Variants in TAMM41 observed in about 807,000 individuals in gnomAD.
TAMM41 encodes TAM41 mitochondrial translocator assembly and maintenance homolog.
Under a neutral mutation model 44.1 loss-of-function variants are expected in TAMM41, and 36 were observed. That is an observed-to-expected ratio of 0.82 (90% CI 0.63 to 1.08). The LOEUF (loss-of-function observed/expected upper bound fraction) is 1.08, where lower values mean the gene tolerates loss of function less well. Among genes scored for constraint, TAMM41 ranks in the 50% least tolerant of loss-of-function variants. The pLI, the probability that TAMM41 is intolerant of heterozygous loss-of-function variation, is 0.00. For missense variants in TAMM41, 417 were observed against 404.3 expected (o/e 1.03, Z -0.27); for synonymous variants, 164 against 153.1 (o/e 1.07, Z -0.53).
chr3:11,735,540 C>T, the TAMM41 span, among the ~76,000 whole-genome samples: 506 of 151,012 alleles, frequency 3.4e-3, 2 homozygotes, highest in African/African-American at 0.012. Context: ...GGTGCTGAGG[C>T]GGGAGGATCA....
At chr3:11,756,099 A>C in the TAMM41 span, among the ~76,000 whole-genome samples, 1 of 152,210 alleles carries the variant, frequency 6.6e-6, no homozygotes, top group African/African-American at 2.4e-5. Flanking sequence ...AGTTTATTCC[A>C]GGACTATTTG....
chr3:11,810,372 T>TA (rs1273964590), intron 5 of TAMM41, among the ~76,000 whole-genome samples: 1 of 152,180 alleles, frequency 6.6e-6, no homozygotes, highest in Non-Finnish European at 1.5e-5. Context: ...AATATATAAA[T>TA]AAAACATGTA....
At chr3:11,731,643 A>G in the TAMM41 span, among the ~76,000 whole-genome samples, 2 of 152,174 alleles carry the variant, frequency 1.3e-5, no homozygotes, top group African/African-American at 4.8e-5. Context: ...GGAAAAGGAG[A>G]GCAAGGATGT....
In TAMM41 at chr3:11,833,238, T is replaced by C. The variant is rs2079054350; in HGVS notation, c.412-3374A>G. Reference sequence around the variant, plus strand: ...CCGACCTGAACTGCATAGATAACATTAGCACGACTGCCAGGGAGGAAAATC... The same window carrying C: ...CCGACCTGAACTGCATAGATAACATCAGCACGACTGCCAGGGAGGAAAATC... On this transcript the variant is annotated intron_variant, in intron 3 of 7. Coordinates refer to ENST00000455809, the MANE Select transcript of TAMM41 (RefSeq NM_001284401.2). 6 of 1,054,192 alleles carry C rather than the reference T, an allele frequency of 5.7e-6. No homozygotes were observed. In the South Asian group the frequency reaches 9.9e-5, roughly 17 times the overall value. 65.3% of individuals were successfully genotyped at this position (1,054,192 alleles called of 1,614,324 possible). A position where few individuals can be genotyped will look rare whatever the true frequency, so the allele number is the denominator to read the frequency against.
the TAMM41 span, among the ~76,000 whole-genome samples, chr3:11,767,401 T>C: frequency 2.0e-5 from 3 of 152,046 alleles, no homozygotes; most frequent in Admixed American, 6.6e-5. Flanking sequence ...TATCTTGCTA[T>C]TATGAATGAT....
chr3:11,751,032 C>T, the TAMM41 span, among the ~76,000 whole-genome samples: 2 of 151,834 alleles, frequency 1.3e-5, no homozygotes, highest in South Asian at 4.1e-4. Context: ...TGCACACTCT[C>T]ATCCCACAAT....
the TAMM41 span, among the ~76,000 whole-genome samples, chr3:11,782,624 T>A: frequency 6.6e-6 from 1 of 152,166 alleles, no homozygotes; most frequent in Non-Finnish European, 1.5e-5. Context: ...TGAGGCTGTT[T>A]ACATATTACA....
At chr3:11,818,815 G>A (rs1198359366) in intron 4 of TAMM41, among the ~76,000 whole-genome samples, 9 of 150,098 alleles carry the variant, frequency 6.0e-5, no homozygotes, top group African/African-American at 1.2e-4. Context: ...GGAGAATGGC[G>A]TGAACCCAGG....
chr3:11,788,310 A>G (rs1397749565), downstream of TAMM41, among the ~76,000 whole-genome samples: 1 of 152,196 alleles, frequency 6.6e-6, no homozygotes, highest in Non-Finnish European at 1.5e-5. Flanking sequence ...CGTATCGTAT[A>G]AGCAGTGGAG....
intron 5 of TAMM41, among the ~76,000 whole-genome samples, chr3:11,812,260 C>G (rs1012492341): frequency 2.0e-5 from 3 of 152,068 alleles, no homozygotes; most frequent in South Asian, 2.1e-4. Flanking sequence ...AAAATAAAAC[C>G]ATATCCCAGG....
At chr3:11,759,178 TA>T in the TAMM41 span, among the ~76,000 whole-genome samples, 1 of 151,176 alleles carries the variant, frequency 6.6e-6, no homozygotes, top group Non-Finnish European at 1.5e-5. Context: ...TCTTTGTCAT[TA>T]AAAAAAAATT....
chr3:11,839,381 A>G (rs900358954), intron 2 of TAMM41, 67 bp from the exon 3 acceptor site: 2 of 1,033,888 alleles, frequency 1.9e-6, no homozygotes, highest in African/African-American at 3.2e-5. Flanking sequence ...CAAGTATAAA[A>G]TATAAGGAAA....
At chr3:11,766,519 T>A in the TAMM41 span, among the ~76,000 whole-genome samples, 1 of 151,890 alleles carries the variant, frequency 6.6e-6, no homozygotes, top group African/African-American at 2.4e-5. Flanking sequence ...AGAGTATGTT[T>A]TTATTTTTAT....
Sources: gnomAD v4.1 joint callset for allele counts (sites outside exome capture counted in the v4.1 genomes callset) on GRCh38, gnomAD v4.1.1 for gene constraint, MANE v1.5 for transcripts, NCBI Gene and HGNC (gene_info 2026-07-23, HGNC 2026-07-21) for gene names.